The following CACNA1D variants were observed in gnomAD, a reference collection of about 807,000 sequenced individuals.
The protein encoded by CACNA1D is voltage-dependent L-type calcium channel subunit alpha-1D.
CACNA1D carries 55 observed loss-of-function variants against 257.1 expected under a neutral mutation model. The observed-to-expected ratio is 0.21, with a 90% confidence interval of 0.17 to 0.27. The LOEUF (loss-of-function observed/expected upper bound fraction) is 0.27, where lower values mean the gene tolerates loss of function less well. Ranked by LOEUF, CACNA1D falls within the 10% of genes least tolerant of loss-of-function variation. CACNA1D has a pLI of 1.00. For synonymous variants in CACNA1D, 980 were observed against 1,014.9 expected (o/e 0.97, Z 0.65); for missense variants, 1,876 against 2,784.0 (o/e 0.67, Z 7.34).
chr3:53,746,141 T>A (rs1030818683), intron 25 of CACNA1D, among the ~76,000 whole-genome samples: 2 of 152,124 alleles, frequency 1.3e-5, no homozygotes, highest in Non-Finnish European at 1.5e-5. Context: ...CTTTTTGTCA[T>A]CCCAAAAGAA....
chr3:53,666,845 T>C (rs1450483748), intron 7 of CACNA1D, among the ~76,000 whole-genome samples: 1 of 152,166 alleles, frequency 6.6e-6, no homozygotes, highest in Admixed American at 6.5e-5. Context: ...GCCAGGGCTA[T>C]CCTGATTCAA....
rs115024655 is a variant in CACNA1D, at chr3:53,732,572, G to C, written c.2474-243G>C. Among the ~76,000 whole-genome samples the C allele has an allele frequency of 0.014, 2,068 of 152,192 alleles. 55 individuals carry two copies. The highest frequency in any genetic ancestry group is 0.046 in the African/African-American group (1,923 of 41,510). On this transcript the variant is annotated intron_variant, in intron 18 of 47. Transcript: ENST00000350061. ...CCTTTCATCTGTGGTCAGATCTTAC[G>C]CTGGTGGGAATCTCATCATTCCCGC...
At chr3:53,745,964 G>A (rs776808487) in intron 25 of CACNA1D, 89 bp downstream of exon 25, 81 of 1,045,196 alleles carry the variant, frequency 7.7e-5, no homozygotes, top group Non-Finnish European at 1.1e-4. Flanking sequence ...AGAAGTTTTG[G>A]TCGTGAAATA....
chr3:53,746,385 A>G (rs1443142553), intron 25 of CACNA1D, among the ~76,000 whole-genome samples: 2 of 152,126 alleles, frequency 1.3e-5, no homozygotes, highest in African/African-American at 4.8e-5. Flanking sequence ...CCATATTTCC[A>G]TAGACAAGAA....
rs2090389761 is a variant in CACNA1D, at chr3:53,497,228, A to T, written c.144A>T (p.Gln48His). The change falls in exon 2 of 48, where the codon CAA becomes CAT. Residue 48 changes from glutamine (Q) to histidine (H), a missense_variant. Gln to His is a conservative substitution (Grantham distance 24). Coordinates refer to ENST00000350061, the MANE Select transcript of CACNA1D (RefSeq NM_001128840.3). ...CTTCTCAGCCGAATAGCTCCAAGCA[A>T]ACTGTCCTGTCTTGGCAAGCTGCAA... is the stretch of plus-strand genomic sequence containing the variant. ...GPTSQPNSSK[Q>H]TVLSWQAAID... 6.2e-7 allele frequency: 1 copy of T among 1,614,182 alleles called. No individual in the cohort carries two copies.
chr3:53,671,195 T>C (rs897943601), intron 7 of CACNA1D, among the ~76,000 whole-genome samples: 22 of 152,246 alleles, frequency 1.4e-4, no homozygotes, highest in Admixed American at 1.0e-3. Context: ...CAGCTGTTAC[T>C]AGAGCCATTC....
Position 53,780,207 on chromosome 3 carries a change from G to A in CACNA1D, c.4690+79G>A, listed in dbSNP as rs2095418698. On this transcript the variant is annotated intron_variant, in intron 38 of 47. Transcript: ENST00000350061. The stretch of plus-strand genomic sequence containing the variant: ...ATCCCATCTTGCCTTCCTCATCTGG[G>A]CCTTTTCTTGGCCAAGGGGAGGCCC... The A allele has an allele frequency of 2.6e-6, 3 of 1,168,084 alleles. No homozygotes were observed. The African/African-American group carries it at 4.5e-5, about 18-fold the overall frequency. The allele number at this position is 1,168,084 out of a possible 1,614,324, so 72.4% of individuals were successfully genotyped here.
In CACNA1D at chr3:53,723,547, G is replaced by C; in HGVS notation, c.1780G>C (p.Val594Leu). ...TCTTTTCAACCGGTTTGATTGCTTC[G>C]TGGTGTGTGGTGGAATCACTGAGAC... ...VSLFNRFDCFVVCGGITETIL... is the reference protein window; with the variant it reads ...VSLFNRFDCFLVCGGITETIL... The change falls in exon 13 of 48, where the codon GTG (valine) becomes CTG (leucine). Residue 594 changes from valine (V) to leucine (L), a missense_variant. Transcript: ENST00000350061. This position sits in a 1 kb window ranked among gnomAD's most constrained non-coding sequence, Gnocchi z 5.6. 1.2e-6 allele frequency: 2 copies of C among 1,614,032 alleles called. No homozygotes were observed. Among genetic ancestry groups the C allele is most frequent in the Non-Finnish European group, 8.5e-7 (1 of 1,179,998 alleles).
intron 7 of CACNA1D, among the ~76,000 whole-genome samples, chr3:53,668,591 A>C (rs2094292570): frequency 6.6e-6 from 1 of 152,212 alleles, no homozygotes; most frequent in African/African-American, 2.4e-5. Context: ...TTGAAGATGG[A>C]GACAGTGGCG....
chr3:53,664,139 A>C (rs895664885), intron 5 of CACNA1D, among the ~76,000 whole-genome samples: 3 of 152,142 alleles, frequency 2.0e-5, no homozygotes, highest in African/African-American at 7.2e-5. Flanking sequence ...CCTTAATGTT[A>C]CATAATACCA....
intron 3 of CACNA1D, among the ~76,000 whole-genome samples, chr3:53,604,658 A>T (rs1304557854): frequency 6.6e-6 from 1 of 152,132 alleles, no homozygotes; most frequent in African/African-American, 2.4e-5. Context: ...GTGGAGTTGG[A>T]TGAAATGGTG....
chr3:53,704,008 C>T (rs1274256609), intron 9 of CACNA1D, among the ~76,000 whole-genome samples: 1 of 152,108 alleles, frequency 6.6e-6, no homozygotes. Flanking sequence ...GCACCCTGAC[C>T]CAGGGGACTA....
intron 30 of CACNA1D, among the ~76,000 whole-genome samples, chr3:53,768,232 A>C (rs1483896732): frequency 1.3e-5 from 2 of 152,194 alleles, no homozygotes; most frequent in Non-Finnish European, 2.9e-5. Context: ...CCTGACCAAC[A>C]GGCCCCTTAC....
intron 3 of CACNA1D, among the ~76,000 whole-genome samples, chr3:53,649,994 G>A (rs964852102): frequency 6.6e-6 from 1 of 152,196 alleles, no homozygotes; most frequent in Non-Finnish European, 1.5e-5. Flanking sequence ...AAGGTTCTAC[G>A]AGTCATTTAG....
chr3:53,767,439 G>A (rs544069501), intron 30 of CACNA1D, among the ~76,000 whole-genome samples: 20 of 152,022 alleles, frequency 1.3e-4, no homozygotes, highest in African/African-American at 4.3e-4. Context: ...GGTGGCGGGC[G>A]CCTGTTATCC....
chr3:53,800,902 C>T lies in CACNA1D; in HGVS notation c.5041-156C>T. The T allele has an allele frequency of 4.0e-6, 3 of 748,918 alleles. No individual in the cohort carries two copies. Among genetic ancestry groups the T allele is most frequent in the Non-Finnish European group, 7.0e-6 (3 of 429,862 alleles). 46.4% of individuals were successfully genotyped at this position (748,918 alleles called of 1,614,324 possible). ...GGGGGGACCAACTGCCACACAGTCA[C>T]ATTCACCCTGATCATTGAGACACTC... On this transcript the variant is annotated intron_variant, in intron 41 of 47. Coordinates refer to ENST00000350061, the MANE Select transcript of CACNA1D (RefSeq NM_001128840.3). The surrounding 1 kb of genome is among the most constrained non-coding windows in gnomAD (Gnocchi z 4.3).
intron 3 of CACNA1D, among the ~76,000 whole-genome samples, chr3:53,575,620 T>A (rs1176988584): frequency 6.6e-6 from 1 of 152,190 alleles, no homozygotes; most frequent in Non-Finnish European, 1.5e-5. Context: ...ATTTTGCTGG[T>A]AAGGAAGGCA....
At chr3:53,679,620 A>G (rs2094410355) in intron 8 of CACNA1D, 1 of 152,222 alleles carries the variant, frequency 6.6e-6, no homozygotes, top group Admixed American at 6.5e-5. Context: ...CTCTTTGTAG[A>G]TAGTTCTTAT....
At chr3:53,508,791 G>A (rs1180082646) in intron 3 of CACNA1D, among the ~76,000 whole-genome samples, 3 of 152,254 alleles carry the variant, frequency 2.0e-5, no homozygotes, top group East Asian at 1.9e-4. Context: ...TACCAGTGGC[G>A]GTGGGGACAC....
Sources: gnomAD v4.1 joint callset for allele counts (sites outside exome capture counted in the v4.1 genomes callset) on GRCh38, gnomAD v4.1.1 for gene constraint, Gnocchi (gnomAD v3.1) non-coding constraint, MANE v1.5 for transcripts, NCBI Gene and HGNC (gene_info 2026-07-23, HGNC 2026-07-21) for gene names.